The following SCML4 variants were observed in gnomAD, a reference collection of about 807,000 sequenced individuals.
SCML4 encodes the protein sex comb on midleg-like protein 4.
SCML4 carries 34 observed loss-of-function variants against 41.1 expected under a neutral mutation model. That is an observed-to-expected ratio of 0.83 (90% CI 0.63 to 1.10). SCML4 has a LOEUF of 1.10. Ranked by LOEUF, SCML4 falls within the 50% of genes least tolerant of loss-of-function variation. The probability of loss-of-function intolerance (pLI) is 0.00; values close to 1 mark genes in which losing one functional copy is unlikely to be tolerated. For synonymous variants in SCML4, 214 were observed against 220.9 expected, an observed-to-expected ratio of 0.97 and a Z score of 0.28; for missense variants, 522 against 534.1, an observed-to-expected ratio of 0.98 and a Z score of 0.22.
At chr6:107,772,146 T>C in intron 2 of SCML4, 26 bp downstream of exon 2, 2 of 1,534,910 alleles carry the variant, frequency 1.3e-6, no homozygotes, top group Admixed American at 2.0e-5. Flanking sequence ...AATACCACTT[T>C]GGAGAAGGAG....
intron 1 of SCML4, among the ~76,000 whole-genome samples, chr6:107,820,251 A>G (rs940394863): frequency 1.3e-5 from 2 of 152,134 alleles, no homozygotes; most frequent in African/African-American, 4.8e-5. Flanking sequence ...GGAAGAGAGG[A>G]GGCTGACTTT....
At chr6:107,772,481 C>A in intron 1 of SCML4, 95 bp from the exon 2 acceptor site, 1 of 649,830 alleles carries the variant, frequency 1.5e-6, no homozygotes, top group Non-Finnish European at 2.5e-6. Context: ...TTTGGCGATA[C>A]CTACCACTTA....
chr6:107,766,369 CA>C (rs11349348), intron 2 of SCML4, among the ~76,000 whole-genome samples: 32,940 of 89,732 alleles, frequency 0.37, 4,188 homozygotes, highest in African/African-American at 0.52. Flanking sequence ...GACTCCGTCT[CA>C]AAAAAAAAAA....
chr6:107,825,952 A>G (rs1472135256), upstream of SCML4, among the ~76,000 whole-genome samples: 28 of 141,652 alleles, frequency 2.0e-4, no homozygotes, highest in South Asian at 2.4e-4. Flanking sequence ...AAAAAAAAAA[A>G]AAAAGAAAAT....
At chr6:107,751,590 CTTT>C (rs1778644472) in intron 2 of SCML4, among the ~76,000 whole-genome samples, 1 of 128,526 alleles carries the variant, frequency 7.8e-6, no homozygotes, top group Non-Finnish European at 1.6e-5. Context: ...TTCTTTCTTT[CTTT>C]CTTTCTTTCT....
chr6:107,755,103 C>CA (rs543375610), intron 2 of SCML4, among the ~76,000 whole-genome samples: 3,307 of 134,810 alleles, frequency 0.025, 83 homozygotes, highest in East Asian at 0.075. Flanking sequence ...GACCCTGTCT[C>CA]AAAAAAAAAA....
At chr6:107,716,470 C>A (rs773260501) in intron 6 of SCML4, among the ~76,000 whole-genome samples, 1 of 152,102 alleles carries the variant, frequency 6.6e-6, no homozygotes, top group Non-Finnish European at 1.5e-5. Flanking sequence ...TATAATAAGT[C>A]GGAAACTGTC....
chr6:107,745,964 G>C (rs1778041724), intron 4 of SCML4: 1 of 152,264 alleles, frequency 6.6e-6, no homozygotes, highest in Admixed American at 6.5e-5. Context: ...CTGCACTCTA[G>C]CCTAGGCGAC....
chr6:107,773,103 A>T (rs1300594319), intron 1 of SCML4, among the ~76,000 whole-genome samples: 4 of 152,200 alleles, frequency 2.6e-5, no homozygotes, highest in Non-Finnish European at 5.9e-5. Flanking sequence ...GATGTTGAAT[A>T]AAAAAAGCAT....
At chr6:107,832,658 C>T in the SCML4 span, among the ~76,000 whole-genome samples, 1 of 152,168 alleles carries the variant, frequency 6.6e-6, no homozygotes, top group Non-Finnish European at 1.5e-5. Flanking sequence ...GAAATGTACA[C>T]CTGAATGACA....
chr6:107,763,620 C>T (rs112684624), intron 2 of SCML4, among the ~76,000 whole-genome samples: 2 of 152,262 alleles, frequency 1.3e-5, no homozygotes, highest in Non-Finnish European at 2.9e-5. Context: ...CTCCTGACCT[C>T]AAGTGATCTG....
intron 5 of SCML4, among the ~76,000 whole-genome samples, chr6:107,737,879 C>T (rs1777226758): frequency 6.6e-6 from 1 of 151,640 alleles, no homozygotes; most frequent in African/African-American, 2.4e-5. Context: ...ACATTTGTAC[C>T]CCAAAAACTT....
intron 6 of SCML4, among the ~76,000 whole-genome samples, chr6:107,715,056 C>A (rs111952712): frequency 6.6e-5 from 10 of 150,790 alleles, no homozygotes; most frequent in African/African-American, 2.4e-4. Flanking sequence ...CTCAGTGCAA[C>A]CTCCACCTCC....
At chr6:107,791,068 T>TA (rs71274314) in intron 1 of SCML4, among the ~76,000 whole-genome samples, 57,111 of 130,284 alleles carry the variant, frequency 0.44, 13,821 homozygotes, top group East Asian at 0.71. Flanking sequence ...AGACTCCGTC[T>TA]AAAAAAAAAA....
chr6:107,753,638 T>C (rs1778874067), intron 2 of SCML4, among the ~76,000 whole-genome samples: 1 of 152,216 alleles, frequency 6.6e-6, no homozygotes, highest in Admixed American at 6.5e-5. Flanking sequence ...TGTGTGTTTT[T>C]TAGCAAAATT....
chr6:107,755,564 C>T (rs1779034919), intron 2 of SCML4: 1 of 1,314,498 alleles, frequency 7.6e-7, no homozygotes, highest in Admixed American at 2.3e-5. Flanking sequence ...AGTCCATCAG[C>T]ACAAACCTCT....
At chr6:107,785,228 C>T (rs746515451) in intron 1 of SCML4, among the ~76,000 whole-genome samples, 22 of 152,194 alleles carry the variant, frequency 1.4e-4, no homozygotes, top group African/African-American at 3.1e-4. Flanking sequence ...TTTAAACAAA[C>T]GCTTTAAGGG....
intron 1 of SCML4, among the ~76,000 whole-genome samples, chr6:107,780,377 G>A (rs900261554): frequency 6.6e-5 from 10 of 152,074 alleles, no homozygotes; most frequent in Admixed American, 3.9e-4. Context: ...CATTCTTAGC[G>A]TCAAATTTTT....
In SCML4 at chr6:107,732,804, C is replaced by T. The variant is rs561393703; in HGVS notation, c.683-11811G>A. Among the ~76,000 whole-genome samples the T allele has an allele frequency of 3.3e-5, 5 of 152,202 alleles. No homozygotes were observed. In the South Asian group the frequency reaches 1.0e-3, roughly 32 times the overall value. On this transcript the variant is annotated intron_variant, in intron 5 of 7. Coordinates refer to ENST00000369020, the MANE Select transcript of SCML4 (RefSeq NM_198081.5). ...GTGGTCACGCTGTTTCCTCCACAGC[C>T]CCCACAATTTTTTGGTCTTTCATAG...
Sources: gnomAD v4.1 joint callset for allele counts (sites outside exome capture counted in the v4.1 genomes callset) on GRCh38, gnomAD v4.1.1 for gene constraint, MANE v1.5 for transcripts, NCBI Gene and HGNC (gene_info 2026-07-23, HGNC 2026-07-21) for gene names.